The following ZNF83 variants were observed in gnomAD, a reference collection of about 807,000 sequenced individuals.
ZNF83 encodes zinc finger protein 83, also known as zinc finger protein 816B.
For missense variants in ZNF83, 552 were observed against 629.9 expected (o/e 0.88, Z 1.32); for synonymous variants, 209 against 213.0 (o/e 0.98, Z 0.17).
chr19:52,689,238 T>A (rs575914364), intron 1 of ZNF83, among the ~76,000 whole-genome samples: 1 of 152,356 alleles, frequency 6.6e-6, no homozygotes, highest in East Asian at 1.9e-4. Context: ...ATGAATCCAC[T>A]GAGCCAGTGC....
chr19:52,670,236 C>T (rs781199133), intron 1 of ZNF83, among the ~76,000 whole-genome samples: 17 of 152,112 alleles, frequency 1.1e-4, no homozygotes, highest in Non-Finnish European at 7.4e-5. Flanking sequence ...ACCTGCTCCA[C>T]CCTGACTCAT....
intron 1 of ZNF83, among the ~76,000 whole-genome samples, chr19:52,678,706 G>A (rs2061859428): frequency 1.3e-5 from 2 of 152,034 alleles, no homozygotes; most frequent in South Asian, 4.1e-4. Context: ...GCCAGGCATG[G>A]CTCATGCCTG....
intron 3 of ZNF83, chr19:52,655,463 G>T: frequency 1.8e-6 from 2 of 1,132,362 alleles, no homozygotes; most frequent in Non-Finnish European, 1.3e-6. Context: ...TACATCAAAA[G>T]CATGTATGCG....
chr19:52,655,533 C>G (rs1286106338), intron 3 of ZNF83: 1 of 1,462,576 alleles, frequency 6.8e-7, no homozygotes, highest in African/African-American at 1.4e-5. Context: ...GGGCAGATTC[C>G]TCACATCAGG....
chr19:52,655,675 A>C (rs1032093619), exon 3 of ZNF83: 4 of 1,174,398 alleles, frequency 3.4e-6, no homozygotes, highest in Non-Finnish European at 5.1e-6. Flanking sequence ...ACATCCCTGA[A>C]AGTCAAGCAT....
At chr19:52,612,741 T>G in exon 3 of ZNF83, 1 of 460,160 alleles carries the variant, frequency 2.2e-6, no homozygotes, top group Non-Finnish European at 3.8e-6. Context: ...ATGTGAGAAT[T>G]GTGCCAGAAG....
intron 1 of ZNF83, among the ~76,000 whole-genome samples, chr19:52,662,582 A>C (rs2061594445): frequency 6.6e-6 from 1 of 152,046 alleles, no homozygotes. Context: ...TTTTTGGAGA[A>C]CAGTAACTTA....
At chr19:52,626,751 G>T (rs569560325) in intron 2 of ZNF83, among the ~76,000 whole-genome samples, 4 of 151,996 alleles carry the variant, frequency 2.6e-5, no homozygotes, top group African/African-American at 9.7e-5. Context: ...TTTCCTTAAG[G>T]TGTCCACGCA....
chr19:52,622,948 CA>C (rs1432618177), intron 2 of ZNF83, among the ~76,000 whole-genome samples: 3 of 152,232 alleles, frequency 2.0e-5, no homozygotes, highest in African/African-American at 7.2e-5. Flanking sequence ...GCAGCTCCAG[CA>C]CACAAGAACT....
At chr19:52,659,920 C>T (rs768748726) in intron 2 of ZNF83, among the ~76,000 whole-genome samples, 6 of 152,200 alleles carry the variant, frequency 3.9e-5, no homozygotes, top group Middle Eastern at 3.4e-3. Flanking sequence ...GCTGGGTGGG[C>T]GGTAACTCAC....
intron 2 of ZNF83, among the ~76,000 whole-genome samples, chr19:52,615,162 G>GTACT (rs2060260416): frequency 6.6e-6 from 1 of 152,088 alleles, no homozygotes; most frequent in Admixed American, 6.5e-5. Context: ...AAAGAATTTT[G>GTACT]TACTTAAGAA....
intron 1 of ZNF83, among the ~76,000 whole-genome samples, chr19:52,665,296 G>C (rs1467089555): frequency 6.6e-6 from 1 of 152,034 alleles, no homozygotes; most frequent in Non-Finnish European, 1.5e-5. Flanking sequence ...GGAGCCAGGA[G>C]TCCCAGCTAC....
intron 3 of ZNF83, among the ~76,000 whole-genome samples, chr19:52,645,477 A>T (rs1157677531): frequency 6.6e-6 from 1 of 152,178 alleles, no homozygotes; most frequent in Non-Finnish European, 1.5e-5. Flanking sequence ...CATCTTTCAG[A>T]AGTGATTATG....
intron 2 of ZNF83, among the ~76,000 whole-genome samples, chr19:52,630,919 T>C (rs1032216936): frequency 6.6e-6 from 1 of 151,626 alleles, no homozygotes; most frequent in African/African-American, 2.4e-5. Context: ...ATCTGCACCT[T>C]ATCAACCAAA....
At chr19:52,614,980 G>A (rs1304109368) in intron 2 of ZNF83, among the ~76,000 whole-genome samples, 183 bp from the exon 3 acceptor site, 1 of 152,024 alleles carries the variant, frequency 6.6e-6, no homozygotes, top group African/African-American at 2.4e-5. Context: ...ATAGAGAAAG[G>A]GTGACTGCAC....
rs767108823 is a variant in ZNF83, at chr19:52,613,769, ATACAT to A, written c.791_795del (p.Asn264MetfsTer27). ...GAAATATGATGGAAGACCTTTCCAC[ATACAT>A]TACATCTGTAAGGTTTCTCTCCAGT... On this transcript the variant is annotated frameshift_variant, in exon 3 of 3. Coordinates refer to ENST00000301096, the Ensembl canonical transcript of ZNF83. The A allele has an allele frequency of 1.4e-5, 23 of 1,609,130 alleles. 1 individual carries two copies. Among genetic ancestry groups the A allele is most frequent in the Middle Eastern group, 1.6e-4 (1 of 6,084 alleles).
At chr19:52,682,298 T>C (rs1200486145) in intron 1 of ZNF83, among the ~76,000 whole-genome samples, 1 of 152,118 alleles carries the variant, frequency 6.6e-6, no homozygotes, top group Non-Finnish European at 1.5e-5. Flanking sequence ...GATGGGAGGA[T>C]CCCTAGAGGT....
intron 1 of ZNF83, among the ~76,000 whole-genome samples, chr19:52,685,897 C>CAAAAAAAAAAA (rs3055370): frequency 7.6e-6 from 1 of 132,442 alleles, no homozygotes; most frequent in Non-Finnish European, 1.7e-5. Context: ...GTAACTGTCA[C>CAAAAAAAAAAA]AAAAAAAAAA....
chr19:52,630,086 G>A (rs911549556), intron 2 of ZNF83, among the ~76,000 whole-genome samples: 6 of 152,268 alleles, frequency 3.9e-5, no homozygotes, highest in South Asian at 4.2e-4. Flanking sequence ...AGGAATGCCC[G>A]CAGCCCAGGA....
Sources: allele counts gnomAD v4.1 joint callset (sites outside exome capture counted in the v4.1 genomes callset), GRCh38; gene constraint gnomAD v4.1.1; transcripts MANE v1.5; gene names NCBI Gene and HGNC (gene_info 2026-07-23, HGNC 2026-07-21).